Variants in PSPC1 observed in about 807,000 individuals in gnomAD.
PSPC1 encodes paraspeckle protein 1.
Under a neutral mutation model 51.6 loss-of-function variants are expected in PSPC1, and 14 were observed. The observed-to-expected ratio is 0.27, with a 90% CI of 0.18 to 0.42. The LOEUF is 0.42. Ranked by LOEUF, PSPC1 falls within the 10% of genes least tolerant of loss-of-function variation. PSPC1 has a pLI of 1.00. For synonymous variants in PSPC1, 193 were observed against 231.9 expected, an observed-to-expected ratio of 0.83 and a Z score of 1.53; for missense variants, 406 against 701.1, an observed-to-expected ratio of 0.58 and a Z score of 4.75.
chr13:19,700,563 A>G (rs1326755141), downstream of PSPC1, among the ~76,000 whole-genome samples: 1 of 152,128 alleles, frequency 6.6e-6, no homozygotes, highest in Non-Finnish European at 1.5e-5. Context: ...GCATTTATTT[A>G]CAAAATATAC....
intron 1 of PSPC1, among the ~76,000 whole-genome samples, chr13:19,776,482 G>GTA (rs1300049616): frequency 7.2e-5 from 11 of 151,732 alleles, no homozygotes; most frequent in Non-Finnish European, 1.2e-4. Context: ...TCACCAACCA[G>GTA]TACACTTAAA....
intron 6 of PSPC1, among the ~76,000 whole-genome samples, chr13:19,728,994 C>T (rs1377163668): frequency 6.6e-6 from 1 of 152,016 alleles, no homozygotes; most frequent in African/African-American, 2.4e-5. Context: ...CAAATCATTT[C>T]TAATATTCTT....
chr13:19,688,081 C>A (rs192876509), intron 6 of PSPC1, among the ~76,000 whole-genome samples: 32 of 152,220 alleles, frequency 2.1e-4, no homozygotes, highest in African/African-American at 5.8e-4. Flanking sequence ...GACACACTCA[C>A]TAAGATAGAT....
At chr13:19,777,031 T>C (rs1428994062) in intron 1 of PSPC1, among the ~76,000 whole-genome samples, 1 of 136,386 alleles carries the variant, frequency 7.3e-6, no homozygotes, top group Non-Finnish European at 1.5e-5. Flanking sequence ...GGCTGAGGAG[T>C]GAGAATCGCT....
chr13:19,737,051 ACGGGAGTTTTTACCTACTCCATTT>A (rs1884917477), intron 5 of PSPC1: 1 of 152,136 alleles, frequency 6.6e-6, no homozygotes, highest in South Asian at 2.1e-4. Context: ...ACTAATCAGC[ACGGGAGTTTTTACCTACTCCATTT>A]CTGACTTGGG....
chr13:19,721,760 A>G (rs1473882967), intron 6 of PSPC1, among the ~76,000 whole-genome samples: 1 of 152,192 alleles, frequency 6.6e-6, no homozygotes, highest in African/African-American at 2.4e-5. Context: ...AACCTCCCAG[A>G]CGACCTGTAA....
At chr13:19,740,367 G>T (rs535389551) in intron 5 of PSPC1, among the ~76,000 whole-genome samples, 1 of 151,948 alleles carries the variant, frequency 6.6e-6, no homozygotes, top group Non-Finnish European at 1.5e-5. Context: ...AATGAATTGG[G>T]TAGAGTAAAA....
intron 5 of PSPC1, among the ~76,000 whole-genome samples, chr13:19,740,880 T>G (rs1381004221): frequency 6.8e-6 from 1 of 147,500 alleles, no homozygotes; most frequent in Non-Finnish European, 1.5e-5. Flanking sequence ...CCAGAAATCT[T>G]TTTTTTTTTT....
intron 5 of PSPC1, among the ~76,000 whole-genome samples, chr13:19,735,826 A>C (rs1469992856): frequency 6.6e-6 from 1 of 151,726 alleles, no homozygotes; most frequent in Non-Finnish European, 1.5e-5. Flanking sequence ...TACTCAAAAA[A>C]AAAATTTTTT....
At chr13:19,754,346 A>G (rs902334032) in intron 3 of PSPC1, among the ~76,000 whole-genome samples, 4 of 151,810 alleles carry the variant, frequency 2.6e-5, no homozygotes, top group African/African-American at 9.7e-5. Context: ...TTGGCCTCCC[A>G]AAGTGCAGGG....
intron 7 of PSPC1, among the ~76,000 whole-genome samples, chr13:19,706,188 C>T (rs1314608995): frequency 2.0e-5 from 3 of 152,052 alleles, no homozygotes; most frequent in African/African-American, 7.2e-5. Flanking sequence ...AAATGAGTAA[C>T]AAAGGATTAG....
intron 4 of PSPC1, among the ~76,000 whole-genome samples, chr13:19,751,020 T>C (rs9551994): frequency 0.8 from 122,058 of 151,872 alleles, 50,338 homozygotes; most frequent in East Asian, 0.96. Context: ...CCATCTGCCT[T>C]GGCCCCCCAA....
At chr13:19,680,096 C>A (rs1877102070) in intron 6 of PSPC1, among the ~76,000 whole-genome samples, 1 of 152,128 alleles carries the variant, frequency 6.6e-6, no homozygotes, top group Admixed American at 6.5e-5. Context: ...CTCACTGCAA[C>A]CTTCACCTCC....
intron 6 of PSPC1, among the ~76,000 whole-genome samples, chr13:19,715,778 C>T (rs747058131): frequency 1.2e-4 from 18 of 152,180 alleles, no homozygotes; most frequent in Non-Finnish European, 2.2e-4. Flanking sequence ...CTTTGGGAGG[C>T]TGAGGCGGAT....
intron 1 of PSPC1, among the ~76,000 whole-genome samples, chr13:19,780,009 G>A (rs1889746646): frequency 6.2e-5 from 8 of 128,212 alleles, no homozygotes; most frequent in East Asian, 2.5e-4. Flanking sequence ...GAGGGAGGTG[G>A]GGGGGGTCAG....
chr13:19,732,926 C>CAAA (rs34848375), intron 5 of PSPC1, among the ~76,000 whole-genome samples: 2 of 142,924 alleles, frequency 1.4e-5, no homozygotes, highest in African/African-American at 2.7e-5. Context: ...GACTCCATCT[C>CAAA]AAAAAAAAAA....
intron 4 of PSPC1, among the ~76,000 whole-genome samples, chr13:19,743,084 T>C (rs1435495006): frequency 1.3e-5 from 2 of 152,222 alleles, no homozygotes; most frequent in East Asian, 3.8e-4. Context: ...ACATTTGTAT[T>C]GCACATCTAA....
chr13:19,690,543 T>C (rs902771942), intron 6 of PSPC1, among the ~76,000 whole-genome samples: 3 of 152,216 alleles, frequency 2.0e-5, no homozygotes, highest in African/African-American at 7.2e-5. Flanking sequence ...AAAAGCCTAC[T>C]TTCCTGGAGA....
chr13:19,707,865 C>T (rs748098488), intron 7 of PSPC1, among the ~76,000 whole-genome samples: 1 of 152,022 alleles, frequency 6.6e-6, no homozygotes, highest in African/African-American at 2.4e-5. Flanking sequence ...AACCTTATTC[C>T]TAAAATCCTT....
Sources: gnomAD v4.1 joint callset for allele counts (sites outside exome capture counted in the v4.1 genomes callset) on GRCh38, gnomAD v4.1.1 for gene constraint, MANE v1.5 for transcripts, NCBI Gene and HGNC (gene_info 2026-07-23, HGNC 2026-07-21) for gene names.